SAMD4A: variants seen among roughly 807,000 people sequenced by gnomAD.
SAMD4A encodes sterile alpha motif domain containing 4A.
In SAMD4A, 33 loss-of-function variants were observed where a neutral mutation model predicts 81.3. That is an observed-to-expected ratio of 0.41 (90% CI 0.31 to 0.54). The LOEUF is 0.54. SAMD4A is among the 20% of genes least tolerant of loss of function. The pLI, the probability that SAMD4A is intolerant of heterozygous loss-of-function variation, is 0.37. For missense variants in SAMD4A, 854 were observed against 951.1 expected, an observed-to-expected ratio of 0.90 and a Z score of 1.34; for synonymous variants, 389 against 382.1, an observed-to-expected ratio of 1.02 and a Z score of -0.21.
intron 9 of SAMD4A, among the ~76,000 whole-genome samples, chr14:54,773,368 A>AC (rs1203279924): frequency 1.3e-5 from 2 of 152,052 alleles, no homozygotes; most frequent in East Asian, 3.9e-4. Context: ...CTTGGTACAA[A>AC]CCTCCCCTGT....
intron 4 of SAMD4A, among the ~76,000 whole-genome samples, chr14:54,744,857 C>G (rs1163656637): frequency 6.6e-6 from 1 of 152,230 alleles, no homozygotes; most frequent in Non-Finnish European, 1.5e-5. Flanking sequence ...GACTGGTTGA[C>G]TTCTCCCCTT....
chr14:54,609,009 T>A (rs2034289333), intron 2 of SAMD4A, among the ~76,000 whole-genome samples: 1 of 152,234 alleles, frequency 6.6e-6, no homozygotes, highest in Non-Finnish European at 1.5e-5. Context: ...AGGCAAATGT[T>A]CATTTTATTC....
chr14:54,658,035 G>A (rs1412680698), intron 2 of SAMD4A, among the ~76,000 whole-genome samples: 1 of 152,228 alleles, frequency 6.6e-6, no homozygotes, highest in African/African-American at 2.4e-5. Context: ...GTGGCCGGCC[G>A]TGGTGGCTGA....
chr14:54,768,162 C>T (rs1267046217), intron 8 of SAMD4A, among the ~76,000 whole-genome samples: 1 of 152,162 alleles, frequency 6.6e-6, no homozygotes, highest in Non-Finnish European at 1.5e-5. Context: ...AGTTTAGAGA[C>T]CTTGAAGTCA....
intron 2 of SAMD4A, among the ~76,000 whole-genome samples, chr14:54,690,411 G>A (rs1056296515): frequency 1.3e-5 from 2 of 152,150 alleles, no homozygotes; most frequent in African/African-American, 4.8e-5. Context: ...CACTGGTATA[G>A]TGATAATAGA....
intron 10 of SAMD4A, 83 bp from the exon 11 acceptor site, chr14:54,776,331 G>T: frequency 7.0e-7 from 1 of 1,437,406 alleles, no homozygotes. Context: ...TGGGATCTTT[G>T]CCTCCCAAAT....
intron 2 of SAMD4A, among the ~76,000 whole-genome samples, chr14:54,696,181 A>G (rs2036574034): frequency 1.3e-5 from 2 of 152,156 alleles, no homozygotes; most frequent in South Asian, 4.2e-4. Context: ...AGACAAACTC[A>G]AGTGCAGGTG....
intron 2 of SAMD4A, among the ~76,000 whole-genome samples, chr14:54,700,025 T>C (rs1267685905): frequency 6.6e-6 from 1 of 152,218 alleles, no homozygotes; most frequent in Non-Finnish European, 1.5e-5. Flanking sequence ...TCTTTTCACC[T>C]TTTGACTTTC....
intron 2 of SAMD4A, among the ~76,000 whole-genome samples, chr14:54,663,028 C>T (rs2035678935): frequency 6.6e-6 from 1 of 152,198 alleles, no homozygotes; most frequent in Non-Finnish European, 1.5e-5. Context: ...ATTAATCACA[C>T]TGGGGAAACT....
intron 3 of SAMD4A, among the ~76,000 whole-genome samples, chr14:54,730,863 C>A (rs1403981846): frequency 6.6e-6 from 1 of 152,126 alleles, no homozygotes; most frequent in East Asian, 1.9e-4. Context: ...AGATTCCCAC[C>A]ACAGGGCTTC....
At chr14:54,674,229 A>C (rs765309525) in intron 2 of SAMD4A, among the ~76,000 whole-genome samples, 1 of 152,236 alleles carries the variant, frequency 6.6e-6, no homozygotes, top group Non-Finnish European at 1.5e-5. Context: ...CAGTAAATAT[A>C]TTCAGTGGCA....
chr14:54,569,240 C>T (rs574721604), intron 2 of SAMD4A, among the ~76,000 whole-genome samples: 126 of 152,210 alleles, frequency 8.3e-4, no homozygotes, highest in Non-Finnish European at 1.3e-3. Flanking sequence ...GGCAGTGGGG[C>T]CTGGGAGACA....
intron 2 of SAMD4A, among the ~76,000 whole-genome samples, chr14:54,575,293 T>A (rs2033255549): frequency 6.6e-6 from 1 of 152,188 alleles, no homozygotes; most frequent in Non-Finnish European, 1.5e-5. Context: ...CTCTTTCTCC[T>A]GTCTCAACCC....
At chr14:54,577,366 G>A (rs1252232630) in intron 2 of SAMD4A, among the ~76,000 whole-genome samples, 2 of 152,198 alleles carry the variant, frequency 1.3e-5, no homozygotes, top group Non-Finnish European at 2.9e-5. Context: ...CCACAGCAAG[G>A]GCTGCAGTGT....
At chr14:54,628,875 C>T (rs2034828310) in intron 2 of SAMD4A, among the ~76,000 whole-genome samples, 1 of 152,026 alleles carries the variant, frequency 6.6e-6, no homozygotes, top group African/African-American at 2.4e-5. Flanking sequence ...TGTATGGGCT[C>T]ATAAATAGGG....
At position 54,674,509 on chromosome 14, in the gene SAMD4A, AACTGGTGTAGAT is replaced by A. The variant is rs369617305; in HGVS notation, c.197-27532_197-27521del. On this transcript the variant is annotated intron_variant, in intron 2 of 12. Transcript: ENST00000554335. ...CTGGTGTGGTTTCTACTGGTGTAGAAACTGGTGTAGATACTGGTGTAGATACTGGTGTGGTTT... is the reference window on the plus strand; with the variant it reads ...CTGGTGTGGTTTCTACTGGTGTAGAAACTGGTGTAGATACTGGTGTGGTTT... Among the ~76,000 whole-genome samples, 478 of 152,210 alleles carry A rather than the reference AACTGGTGTAGAT, an allele frequency of 3.1e-3. 1 individual carries two copies. The highest frequency in any genetic ancestry group is 5.1e-3 in the Non-Finnish European group (349 of 67,996).
chr14:54,760,414 G>A lies in SAMD4A; in HGVS notation c.1430G>A (p.Ser477Asn). 2 of 1,461,144 alleles carry A rather than the reference G, an allele frequency of 1.4e-6. No individual in the cohort carries two copies. Among genetic ancestry groups the A allele is most frequent in the Non-Finnish European group, 1.8e-6 (2 of 1,118,334 alleles). 90.5% of individuals were successfully genotyped at this position (1,461,144 alleles called of 1,614,324 possible). A position where few individuals can be genotyped will look rare whatever the true frequency, so the allele number is the denominator to read the frequency against. ...ASGGLQPHQL[S>N]SCDGELAVAP... Reference sequence around the variant, plus strand: ...GGGGGGCTCCAGCCGCACCAGCTGAGCAGCTGCGATGGGGAGCTGGCCGTC... The same window carrying A: ...GGGGGGCTCCAGCCGCACCAGCTGAACAGCTGCGATGGGGAGCTGGCCGTC... The change falls in exon 7 of 13, where the codon AGC (serine) becomes AAC (asparagine). Residue 477 changes from serine to asparagine, a missense_variant. By Grantham distance (46) the Ser-to-Asn change is conservative. This residue lies in a region of SAMD4A where 428 missense variants were observed against 471.2 expected (regional missense o/e 0.91). Coordinates refer to ENST00000554335, the MANE Select transcript of SAMD4A (RefSeq NM_015589.6).
intron 2 of SAMD4A, among the ~76,000 whole-genome samples, chr14:54,579,559 G>A (rs1450551365): frequency 1.3e-5 from 2 of 152,058 alleles, no homozygotes; most frequent in East Asian, 3.8e-4. Flanking sequence ...GTTTCATCTT[G>A]GAAAAATTCT....
rs1594785650 is a variant in SAMD4A, at chr14:54,664,957, T to C, written c.197-37105T>C. ...TGAGATCAGGTTGTAGTGAAACAAA[T>C]CTTATTTGAAGTGTCCTAAAATACA... On this transcript the variant is annotated intron_variant, in intron 2 of 12. Transcript: ENST00000554335. 5.3e-5 allele frequency among the ~76,000 whole-genome samples: 8 copies of C among 152,236 alleles called. No individual in the cohort carries two copies. In the South Asian group the frequency reaches 1.2e-3, roughly 24 times the overall value.
Sources: allele counts gnomAD v4.1 joint callset (sites outside exome capture counted in the v4.1 genomes callset), GRCh38; gene constraint gnomAD v4.1.1; regional missense constraint gnomAD v4.1.1; transcripts MANE v1.5; gene names NCBI Gene and HGNC (gene_info 2026-07-23, HGNC 2026-07-21).